NFE2L2: variants seen among roughly 807,000 people sequenced by gnomAD.
NFE2L2 encodes NFE2 like bZIP transcription factor 2.
Under a neutral mutation model 49.6 loss-of-function variants are expected in NFE2L2, and 20 were observed. The ratio of observed to expected loss-of-function variants is 0.40; its 90% CI spans 0.28 to 0.59. The LOEUF (loss-of-function observed/expected upper bound fraction) is 0.59. NFE2L2 is among the 20% of genes least tolerant of loss of function. The probability of loss-of-function intolerance (pLI) is 0.40; values close to 1 mark genes in which losing one functional copy is unlikely to be tolerated. For missense variants in NFE2L2, 578 were observed against 714.2 expected, an observed-to-expected ratio of 0.81 and a Z score of 2.17; for synonymous variants, 244 against 256.5, an observed-to-expected ratio of 0.95 and a Z score of 0.47.
At chr2:177,245,378 A>G (rs1690088498) in intron 1 of NFE2L2, among the ~76,000 whole-genome samples, 1 of 152,150 alleles carries the variant, frequency 6.6e-6, no homozygotes, top group African/African-American at 2.4e-5. Context: ...CTAAGGGTCT[A>G]CTTTTCTAAT....
intron 1 of NFE2L2, among the ~76,000 whole-genome samples, chr2:177,254,089 T>C (rs1574279520): frequency 1.3e-5 from 2 of 152,350 alleles, no homozygotes; most frequent in East Asian, 3.9e-4. Flanking sequence ...ATATGACATA[T>C]ATGATTTTAA....
rs1401230742 is a variant in NFE2L2 at position 177,232,209 on chromosome 2, G to A, written c.594+183C>T. 4.5e-6 allele frequency: 4 copies of A among 887,384 alleles called. No homozygotes were observed. The South Asian group carries it at 5.9e-5, about 13-fold the overall frequency. 55.0% of individuals were successfully genotyped at this position (887,384 alleles called of 1,614,324 possible). Reference sequence around the variant, plus strand: ...TATTTTCAGAGTTCCCAGATCAGACGTCAGGTTTATAACATTCTATCCTCA... The same window carrying A: ...TATTTTCAGAGTTCCCAGATCAGACATCAGGTTTATAACATTCTATCCTCA... On this transcript the variant is annotated intron_variant, in intron 4 of 4. Coordinates refer to ENST00000397062, the MANE Select transcript of NFE2L2 (RefSeq NM_006164.5).
chr2:177,250,653 C>T (rs1690303338), intron 1 of NFE2L2, among the ~76,000 whole-genome samples: 1 of 152,182 alleles, frequency 6.6e-6, no homozygotes, highest in African/African-American at 2.4e-5. Context: ...CTGAAGACAT[C>T]GCCCCATCTG....
In NFE2L2 at chr2:177,231,354, CGTGA is replaced by C. The variant is rs1689541339; in HGVS notation, c.1245_1248del (p.His416CysfsTer16). The C allele has an allele frequency of 6.2e-7, 1 of 1,614,238 alleles. No individual in the cohort carries two copies. Reference sequence around the variant, plus strand: ...GTGTTCTCACATTGGGCATCATGCACGTGAGTGCTCTGCCCCTGAGATGGTGACA... The same window carrying C: ...GTGTTCTCACATTGGGCATCATGCACGTGCTCTGCCCCTGAGATGGTGACA... On this transcript the variant is annotated frameshift_variant, in exon 5 of 5. Transcript: ENST00000397062. LOFTEE classifies it high-confidence loss of function.
intron 1 of NFE2L2, among the ~76,000 whole-genome samples, chr2:177,238,781 G>T (rs1689844160): frequency 6.6e-6 from 1 of 152,218 alleles, no homozygotes; most frequent in Admixed American, 6.5e-5. Flanking sequence ...GTCTGAATTA[G>T]ACTACTATTA....
At chr2:177,233,633 A>T (rs768241985) in intron 2 of NFE2L2, 20 of 500,850 alleles carry the variant, frequency 4.0e-5, no homozygotes, top group Non-Finnish European at 6.3e-5. Flanking sequence ...GTGTTAATTA[A>T]ATCAGTCAGT....
chr2:177,239,274 A>G (rs563175886), intron 1 of NFE2L2, among the ~76,000 whole-genome samples: 1 of 152,252 alleles, frequency 6.6e-6, no homozygotes, highest in South Asian at 2.1e-4. Flanking sequence ...AATGCCACCA[A>G]ATGACATCTA....
intron 1 of NFE2L2, among the ~76,000 whole-genome samples, chr2:177,253,472 G>A (rs559056860): frequency 6.6e-6 from 1 of 152,292 alleles, no homozygotes; most frequent in South Asian, 2.1e-4. Flanking sequence ...CCCTCAAGGG[G>A]GATACGTGCT....
chr2:177,249,101 C>T (rs949108585), intron 1 of NFE2L2, among the ~76,000 whole-genome samples: 2 of 151,834 alleles, frequency 1.3e-5, no homozygotes, highest in Admixed American at 1.3e-4. Flanking sequence ...GTACCTGTGG[C>T]CCCGGCTACT....
In NFE2L2 at chr2:177,242,301, C is replaced by G. The variant is rs754242397; in HGVS notation, c.46-8030G>C. Among the ~76,000 whole-genome samples the G allele has an allele frequency of 2.3e-4, 35 of 152,156 alleles. 1 individual carries two copies. The highest frequency in any genetic ancestry group is 4.1e-4 in the Non-Finnish European group (28 of 68,020). On this transcript the variant is annotated intron_variant, in intron 1 of 4. Coordinates refer to ENST00000397062, the MANE Select transcript of NFE2L2 (RefSeq NM_006164.5). ...ACAGTGCCTTAAAAAAAATAACTGG[C>G]CTAGCAACATGTTGTATACATCAGC...
intron 2 of NFE2L2, chr2:177,233,637 A>T (rs1201857904): frequency 2.0e-6 from 1 of 500,130 alleles, no homozygotes; most frequent in Non-Finnish European, 3.5e-6. Flanking sequence ...TAATTAAATC[A>T]GTCAGTATAT....
intron 1 of NFE2L2, among the ~76,000 whole-genome samples, chr2:177,244,881 G>A (rs1690069958): frequency 6.6e-6 from 1 of 151,472 alleles, no homozygotes. Flanking sequence ...GTGGGCGCCT[G>A]TGTCCCAGCT....
rs1673841571 is a variant in NFE2L2 at position 177,231,411 on chromosome 2, G to A, written c.1192C>T (p.His398Tyr). Reference sequence around the variant, plus strand: ...GGTTGTACCATATCCCCAGAAGAATGTACTGGTGTTTTAGGACCATTCTGT... The same window carrying A: ...GGTTGTACCATATCCCCAGAAGAATATACTGGTGTTTTAGGACCATTCTGT... ...VKQNGPKTPV[H>Y]SSGDMVQPLS... Residue 398 changes from histidine to tyrosine, a missense_variant, in exon 5 of 5, where the codon CAT becomes TAT. By Grantham distance (83) the His-to-Tyr change is moderately conservative. Coordinates refer to ENST00000397062, the MANE Select transcript of NFE2L2 (RefSeq NM_006164.5). 3.1e-6 allele frequency: 5 copies of A among 1,614,142 alleles called. No individual in the cohort carries two copies. Among genetic ancestry groups the A allele is most frequent in the African/African-American group, 1.3e-5 (1 of 74,958 alleles).
rs951231416 is a variant in NFE2L2 at position 177,263,335 on chromosome 2, G to A, written c.45+1197C>T. ...TAAAGTACTCAGGGGAGAAATAATA[G>A]CTGAAAGCAAAAAATTACTAACAGA... On this transcript the variant is annotated intron_variant, in intron 1 of 4. Coordinates refer to ENST00000397062, the MANE Select transcript of NFE2L2 (RefSeq NM_006164.5). 6 of 983,380 alleles carry A rather than the reference G, an allele frequency of 6.1e-6. No homozygotes were observed. The African/African-American group carries it at 8.7e-5, about 14-fold the overall frequency. The allele number at this position is 983,380 out of a possible 1,614,324, so 60.9% of individuals were successfully genotyped here.
intron 1 of NFE2L2, 33 bp from the exon 2 acceptor site, chr2:177,234,304 CTCA>C: frequency 6.4e-7 from 1 of 1,565,242 alleles, no homozygotes; most frequent in East Asian, 2.2e-5. Flanking sequence ...AAGGAGAGAG[CTCA>C]TGTTTTTTAA....
chr2:177,239,841 GT>G (rs1469256870), intron 1 of NFE2L2, among the ~76,000 whole-genome samples: 1 of 150,902 alleles, frequency 6.6e-6, no homozygotes, highest in African/African-American at 2.4e-5. Context: ...TAGGTTTATT[GT>G]TATGGCCTTA....
intron 1 of NFE2L2, among the ~76,000 whole-genome samples, chr2:177,262,491 A>G (rs1156289670): frequency 6.6e-6 from 1 of 152,244 alleles, no homozygotes; most frequent in East Asian, 1.9e-4. Context: ...AGGTCAAGAA[A>G]ATGTTTGACT....
chr2:177,253,923 A>G (rs1182745066), intron 1 of NFE2L2, among the ~76,000 whole-genome samples: 2 of 152,216 alleles, frequency 1.3e-5, no homozygotes, highest in Non-Finnish European at 2.9e-5. Flanking sequence ...TGATTAAGTG[A>G]ATTTTCTTAG....
At chr2:177,254,575 G>C (rs761124422) in intron 1 of NFE2L2, among the ~76,000 whole-genome samples, 1 of 152,128 alleles carries the variant, frequency 6.6e-6, no homozygotes, top group Non-Finnish European at 1.5e-5. Context: ...ACAGCGATCC[G>C]TGGAACAGGA....
Sources: allele counts gnomAD v4.1 joint callset (sites outside exome capture counted in the v4.1 genomes callset), GRCh38; gene constraint gnomAD v4.1.1; transcripts MANE v1.5; gene names NCBI Gene and HGNC (gene_info 2026-07-23, HGNC 2026-07-21).